Variants in ADK observed in about 807,000 individuals in gnomAD.
ADK encodes N6,N6-dimethyladenosine kinase.
A neutral mutation model predicts 44.7 loss-of-function variants in ADK; 24 were observed. That is an observed-to-expected ratio of 0.54 (90% confidence interval 0.39 to 0.76). The LOEUF (loss-of-function observed/expected upper bound fraction) is 0.76. ADK is among the 30% of genes least tolerant of loss of function. The probability of loss-of-function intolerance (pLI) is 0.00; values close to 1 mark genes in which losing one functional copy is unlikely to be tolerated. For synonymous variants in ADK, 128 were observed against 142.6 expected (o/e 0.90, Z 0.73); for missense variants, 321 against 425.1 (o/e 0.76, Z 2.15).
intron 6 of ADK, among the ~76,000 whole-genome samples, chr10:74,407,963 G>A (rs928343829): frequency 3.3e-5 from 5 of 151,538 alleles, no homozygotes; most frequent in African/African-American, 1.2e-4. Flanking sequence ...CAGGTAACTC[G>A]CTTTTTTTTT....
In ADK at chr10:74,708,405, G is replaced by C. The variant is rs779011247; in HGVS notation, c.1049G>C (p.Arg350Pro). ...TATGCAGCAAGCATCATAATTAGACGGACTGGCTGCACCTTTCCTGAGAAG... is the reference window on the plus strand; with the variant it reads ...TATGCAGCAAGCATCATAATTAGACCGACTGGCTGCACCTTTCCTGAGAAG... ...GHYAASIIIR[R>P]TGCTFPEKPD... is the part of the protein sequence containing the mutation. The change falls in exon 11 of 11, where the codon CGG (arginine) becomes CCG (proline). Residue 350 changes from arginine to proline, a missense_variant. By Grantham distance (103) the Arg-to-Pro change is moderately radical. Coordinates refer to ENST00000539909, the MANE Select transcript of ADK (RefSeq NM_006721.4). The C allele has an allele frequency of 6.2e-7, 1 of 1,612,318 alleles. No homozygotes were observed. Among genetic ancestry groups the C allele is most frequent in the Non-Finnish European group, 8.5e-7 (1 of 1,179,494 alleles).
At chr10:74,438,909 A>T (rs1029694226) in intron 6 of ADK, among the ~76,000 whole-genome samples, 24 of 152,316 alleles carry the variant, frequency 1.6e-4, no homozygotes, top group African/African-American at 5.8e-4. Flanking sequence ...GTTCTAGATA[A>T]TGTGGCCTAT....
At chr10:74,310,934 T>C (rs1180816949) in intron 3 of ADK, among the ~76,000 whole-genome samples, 1 of 152,178 alleles carries the variant, frequency 6.6e-6, no homozygotes, top group Non-Finnish European at 1.5e-5. Flanking sequence ...TTTGCTCTTG[T>C]TTTTTATTCA....
At chr10:74,548,734 T>A (rs547862149) in intron 7 of ADK, among the ~76,000 whole-genome samples, 10 of 152,342 alleles carry the variant, frequency 6.6e-5, no homozygotes, top group Middle Eastern at 3.4e-3. Flanking sequence ...AAAGACTTTG[T>A]GTCTCATTCA....
At chr10:74,486,308 A>G (rs1344193988) in intron 6 of ADK, among the ~76,000 whole-genome samples, 1 of 152,128 alleles carries the variant, frequency 6.6e-6, no homozygotes, top group East Asian at 1.9e-4. Flanking sequence ...CACTCTAGCC[A>G]TGTGGAACTG....
intron 7 of ADK, among the ~76,000 whole-genome samples, chr10:74,559,081 T>C (rs79863959): frequency 7.7e-4 from 117 of 152,352 alleles, no homozygotes; most frequent in African/African-American, 2.7e-3. Flanking sequence ...CAGTCTGGCT[T>C]CTTCCCTCTC....
intron 3 of ADK, among the ~76,000 whole-genome samples, chr10:74,260,775 C>T (rs991445964): frequency 3.3e-5 from 5 of 152,118 alleles, no homozygotes; most frequent in African/African-American, 9.7e-5. Flanking sequence ...TAAATATCAT[C>T]GAAGTTGATA....
chr10:74,244,123 G>C (rs1845326443), intron 3 of ADK, among the ~76,000 whole-genome samples: 1 of 151,952 alleles, frequency 6.6e-6, no homozygotes, highest in South Asian at 2.1e-4. Flanking sequence ...TGCAACCTTG[G>C]TTCAATATTC....
chr10:74,329,001 A>G (rs1286212780), intron 4 of ADK, among the ~76,000 whole-genome samples: 1 of 151,508 alleles, frequency 6.6e-6, no homozygotes, highest in African/African-American at 2.4e-5. Context: ...GCACATGTAT[A>G]CATATGTAAC....
At chr10:74,540,840 A>G (rs1447144973) in intron 7 of ADK, among the ~76,000 whole-genome samples, 1 of 152,162 alleles carries the variant, frequency 6.6e-6, no homozygotes, top group Non-Finnish European at 1.5e-5. Context: ...CACAGTAGAA[A>G]AAGTGCTAGA....
intron 7 of ADK, among the ~76,000 whole-genome samples, chr10:74,550,047 G>A (rs1464197140): frequency 6.7e-6 from 1 of 150,232 alleles, no homozygotes; most frequent in East Asian, 1.9e-4. Flanking sequence ...ATTGTCACAT[G>A]TTAGCATAAA....
At chr10:74,548,013 C>A (rs553640561) in intron 7 of ADK, among the ~76,000 whole-genome samples, 4 of 151,154 alleles carry the variant, frequency 2.6e-5, no homozygotes, top group African/African-American at 9.7e-5. Flanking sequence ...ATGACGGTCT[C>A]GATCTCCTGA....
At chr10:74,571,969 G>A (rs926979445) in intron 7 of ADK, among the ~76,000 whole-genome samples, 32 of 151,930 alleles carry the variant, frequency 2.1e-4, no homozygotes, top group Non-Finnish European at 2.9e-5. Context: ...TTTGCCAGTC[G>A]GTGTCTTTTA....
intron 6 of ADK, among the ~76,000 whole-genome samples, chr10:74,507,643 C>T (rs1848136133): frequency 6.6e-6 from 1 of 151,954 alleles, no homozygotes; most frequent in South Asian, 2.1e-4. Flanking sequence ...TTTGAAAACA[C>T]ATTCTAGTGA....
Position 74,708,588 on chromosome 10 carries a change from G to C in ADK, c.*143G>C, listed in dbSNP as rs976529213. On this transcript the variant is annotated 3_prime_UTR_variant, in exon 11 of 11. Coordinates refer to ENST00000539909, the MANE Select transcript of ADK (RefSeq NM_006721.4). ...GAATCTTAATTTAGAGGGTACAAGG[G>C]TATGGTAATGCTTGTAGAATCTTTA... is the stretch of plus-strand genomic sequence containing the variant. 1 of 882,576 alleles carries C rather than the reference G, an allele frequency of 1.1e-6. No homozygotes were observed. The highest frequency in any genetic ancestry group is 2.4e-5 in the Admixed American group (1 of 42,194). The allele number at this position is 882,576 out of a possible 1,614,324, so 54.7% of individuals were successfully genotyped here.
At position 74,542,591 on chromosome 10, in the gene ADK, C is replaced by T. The variant is rs1221308559; in HGVS notation, c.726+17165C>T. Among the ~76,000 whole-genome samples the T allele has an allele frequency of 3.9e-5, 6 of 152,062 alleles. 1 individual carries two copies. The South Asian group carries it at 6.2e-4, about 16-fold the overall frequency. Reference sequence around the variant, plus strand: ...TATGAAAAGGTTTACTCAGTAGTGTCGCTCCTCCCTTATCCCTCATCTTCC... The same window carrying T: ...TATGAAAAGGTTTACTCAGTAGTGTTGCTCCTCCCTTATCCCTCATCTTCC... On this transcript the variant is annotated intron_variant, in intron 7 of 10. Transcript: ENST00000539909.
At chr10:74,279,275 A>G (rs1591977418) in intron 3 of ADK, among the ~76,000 whole-genome samples, 1 of 149,730 alleles carries the variant, frequency 6.7e-6, no homozygotes, top group Non-Finnish European at 1.5e-5. Flanking sequence ...GCGAGACTCC[A>G]TCTTAAAAAA....
At chr10:74,337,727 G>A (rs1165528114) in intron 4 of ADK, among the ~76,000 whole-genome samples, 2 of 150,656 alleles carry the variant, frequency 1.3e-5, no homozygotes, top group Non-Finnish European at 2.9e-5. Context: ...CTAACTGTGA[G>A]CTTGAAGATA....
intron 3 of ADK, among the ~76,000 whole-genome samples, chr10:74,244,178 A>G (rs1435258259): frequency 1.3e-5 from 2 of 152,242 alleles, no homozygotes; most frequent in East Asian, 3.8e-4. Context: ...TATTTATAGT[A>G]CTTTATAAAT....
Sources: gnomAD v4.1 joint callset for allele counts (sites outside exome capture counted in the v4.1 genomes callset) on GRCh38, gnomAD v4.1.1 for gene constraint, MANE v1.5 for transcripts, NCBI Gene and HGNC (gene_info 2026-07-23, HGNC 2026-07-21) for gene names.